GRIK1: variants seen among roughly 807,000 people sequenced by gnomAD.
GRIK1 encodes the protein glutamate ionotropic receptor kainate type subunit 1.
A neutral mutation model predicts 105.7 loss-of-function variants in GRIK1; 69 were observed. The ratio of observed to expected loss-of-function variants is 0.65; its 90% CI spans 0.54 to 0.80. GRIK1 has a LOEUF of 0.80. Among genes scored for constraint, GRIK1 ranks in the 30% least tolerant of loss-of-function variants. The pLI is 0.00. For synonymous variants in GRIK1, 438 were observed against 431.3 expected (o/e 1.02, Z -0.19); for missense variants, 1,109 against 1,167.3 (o/e 0.95, Z 0.73).
intron 1 of GRIK1, among the ~76,000 whole-genome samples, chr21:29,882,395 C>T (rs2069450429): frequency 1.3e-5 from 2 of 151,898 alleles, no homozygotes; most frequent in African/African-American, 4.8e-5. Flanking sequence ...TGGTTTATTC[C>T]CTTTCCTTCT....
intron 1 of GRIK1, among the ~76,000 whole-genome samples, chr21:29,746,499 TTCTC>T (rs750460036): frequency 2.0e-5 from 3 of 152,242 alleles, no homozygotes; most frequent in Non-Finnish European, 4.4e-5. Flanking sequence ...CCCTGTTTCT[TTCTC>T]TCTCATTTTC....
chr21:29,585,480 G>A (rs552548553), intron 12 of GRIK1, among the ~76,000 whole-genome samples: 1 of 152,286 alleles, frequency 6.6e-6, no homozygotes, highest in South Asian at 2.1e-4. Flanking sequence ...GTCAAGTCAT[G>A]TAATAAACAA....
At chr21:29,594,598 G>A (rs1030059757) in intron 9 of GRIK1, among the ~76,000 whole-genome samples, 1 of 152,168 alleles carries the variant, frequency 6.6e-6, no homozygotes, top group African/African-American at 2.4e-5. Flanking sequence ...GCAGCCATGT[G>A]TTATCTAGGA....
At chr21:29,767,675 A>G (rs2065703996) in intron 1 of GRIK1, among the ~76,000 whole-genome samples, 1 of 152,220 alleles carries the variant, frequency 6.6e-6, no homozygotes, top group Admixed American at 6.5e-5. Flanking sequence ...AGAGGTCTCA[A>G]AAGGCTCTTG....
intron 1 of GRIK1, among the ~76,000 whole-genome samples, chr21:29,846,429 TAAAGAAGG>T (rs57642093): frequency 0.014 from 822 of 58,274 alleles, 15 homozygotes; most frequent in African/African-American, 0.051. Flanking sequence ...AAGAAAAAAA[TAAAGAAGG>T]AAAGAAGGAA....
chr21:29,587,694 C>T (rs2091160994), intron 11 of GRIK1, 105 bp from the exon 12 acceptor site: 7 of 650,500 alleles, frequency 1.1e-5, no homozygotes, highest in Non-Finnish European at 2.7e-6. Context: ...AAATGCTTCT[C>T]ATTCATGAAG....
At chr21:29,643,373 T>G (rs1258357507) in intron 6 of GRIK1, among the ~76,000 whole-genome samples, 1 of 152,256 alleles carries the variant, frequency 6.6e-6, no homozygotes. Flanking sequence ...TATCTATTTA[T>G]CTATCTACTT....
At chr21:29,710,855 C>A (rs1284739794) in intron 1 of GRIK1, among the ~76,000 whole-genome samples, 2 of 142,942 alleles carry the variant, frequency 1.4e-5, no homozygotes, top group Admixed American at 7.2e-5. Flanking sequence ...CTCTCCCTCC[C>A]TCCCTCTCTC....
At chr21:29,539,359 G>A (rs1044350531) in intron 16 of GRIK1, among the ~76,000 whole-genome samples, 1 of 152,060 alleles carries the variant, frequency 6.6e-6, no homozygotes, top group African/African-American at 2.4e-5. Context: ...CTACAGTTGG[G>A]CAAAATTATC....
chr21:29,552,614 C>T (rs528737814), intron 16 of GRIK1, among the ~76,000 whole-genome samples: 1 of 152,114 alleles, frequency 6.6e-6, no homozygotes, highest in Non-Finnish European at 1.5e-5. Flanking sequence ...AGAACAACCC[C>T]TCTATCTAGG....
At chr21:29,774,474 C>T (rs542878512) in intron 1 of GRIK1, among the ~76,000 whole-genome samples, 152 of 117,436 alleles carry the variant, frequency 1.3e-3, no homozygotes, top group African/African-American at 4.4e-3. Flanking sequence ...TTTTCTGAGA[C>T]GGAGTCTCAC....
intron 7 of GRIK1, among the ~76,000 whole-genome samples, chr21:29,616,491 G>A (rs755457767): frequency 1.3e-5 from 2 of 152,116 alleles, no homozygotes; most frequent in East Asian, 1.9e-4. Context: ...AAGTAATATC[G>A]TGATATTTTA....
intron 15 of GRIK1, among the ~76,000 whole-genome samples, chr21:29,556,358 A>G (rs573264100): frequency 3.6e-4 from 55 of 152,278 alleles, no homozygotes; most frequent in Middle Eastern, 3.4e-3. Flanking sequence ...GGTTGGACAC[A>G]TGTTTTCCAG....
At chr21:29,579,862 G>A (rs567310905) in intron 13 of GRIK1, among the ~76,000 whole-genome samples, 4 of 151,684 alleles carry the variant, frequency 2.6e-5, no homozygotes, top group South Asian at 2.1e-4. Flanking sequence ...ATAAATTCCG[G>A]GGGTGGGTGC....
intron 1 of GRIK1, among the ~76,000 whole-genome samples, chr21:29,726,539 T>C (rs1307856509): frequency 3.9e-5 from 6 of 152,212 alleles, no homozygotes; most frequent in African/African-American, 1.4e-4. Context: ...GACATAACTC[T>C]GCTTAATATT....
chr21:29,823,415 G>T (rs549411210), intron 1 of GRIK1, among the ~76,000 whole-genome samples: 2 of 151,732 alleles, frequency 1.3e-5, no homozygotes, highest in South Asian at 4.2e-4. Flanking sequence ...TCAAAATAAC[G>T]AATGTAAATA....
At chr21:29,604,098 A>G (rs747535744) in intron 7 of GRIK1, among the ~76,000 whole-genome samples, 4 of 152,150 alleles carry the variant, frequency 2.6e-5, no homozygotes, top group Non-Finnish European at 1.5e-5. Context: ...CAGAAATCCA[A>G]TTTCATTCCC....
chr21:29,795,760 A>T (rs1263309790), intron 1 of GRIK1, among the ~76,000 whole-genome samples: 1 of 152,162 alleles, frequency 6.6e-6, no homozygotes. Flanking sequence ...TACTTTTAAC[A>T]TTTTCTAATA....
rs2062277530 is a variant in GRIK1, at chr21:29,631,715, TTAA to T, written c.1098+11108_1098+11110del. ...TTATGAAAAAAAGTACAATTGCTCA[TTAA>T]TAATTTGAATATTGATGACATTATG... On this transcript the variant is annotated intron_variant, in intron 7 of 17. Transcript: ENST00000327783. 3.9e-5 allele frequency among the ~76,000 whole-genome samples: 6 copies of T among 152,342 alleles called. No individual in the cohort carries two copies. The South Asian group carries it at 1.2e-3, about 32-fold the overall frequency.
Sources: gnomAD v4.1 joint callset for allele counts (sites outside exome capture counted in the v4.1 genomes callset) on GRCh38, gnomAD v4.1.1 for gene constraint, MANE v1.5 for transcripts, NCBI Gene and HGNC (gene_info 2026-07-23, HGNC 2026-07-21) for gene names.